Variants in AQR observed in about 807,000 individuals in gnomAD.
AQR encodes the protein RNA helicase aquarius.
A neutral mutation model predicts 180.5 loss-of-function variants in AQR; 61 were observed. The observed-to-expected ratio is 0.34, with a 90% CI of 0.28 to 0.42. The LOEUF (loss-of-function observed/expected upper bound fraction) is 0.42, where lower values mean the gene tolerates loss of function less well. Among genes scored for constraint, AQR ranks in the 10% least tolerant of loss-of-function variants. The pLI, the probability that AQR is intolerant of heterozygous loss-of-function variation, is 1.00. For synonymous variants in AQR, 551 were observed against 588.8 expected (o/e 0.94, Z 0.93); for missense variants, 1,281 against 1,798.3 (o/e 0.71, Z 5.20).
chr15:34,927,209 A>G, intron 12 of AQR, 71 bp from the exon 13 acceptor site: 13 of 863,482 alleles, frequency 1.5e-5, no homozygotes, highest in Non-Finnish European at 2.1e-5. Flanking sequence ...CTATTTAAGA[A>G]TGAAAATATT....
chr15:34,884,877 T>C (rs1312771364), intron 25 of AQR, 143 bp from the exon 26 acceptor site: 2 of 652,346 alleles, frequency 3.1e-6, no homozygotes, highest in Non-Finnish European at 5.0e-6. Context: ...ATAACTATTC[T>C]TCATTCCTGT....
At chr15:34,955,234 T>C (rs1459729782) in intron 3 of AQR, among the ~76,000 whole-genome samples, 1 of 152,252 alleles carries the variant, frequency 6.6e-6, no homozygotes, top group East Asian at 1.9e-4. Flanking sequence ...CAATATTTAC[T>C]GAGAGCATGC....
chr15:34,901,046 C>A (rs537456946), intron 19 of AQR, among the ~76,000 whole-genome samples, 183 bp from the exon 20 acceptor site: 1 of 152,234 alleles, frequency 6.6e-6, no homozygotes, highest in East Asian at 1.9e-4. Context: ...TCAGCTGATA[C>A]CACACACTGA....
intron 30 of AQR, 24 bp from the exon 31 acceptor site, chr15:34,870,946 T>A: frequency 1.3e-6 from 2 of 1,585,328 alleles, no homozygotes; most frequent in South Asian, 1.1e-5. Context: ...ATAATCAGAC[T>A]GTGCATTCAT....
intron 16 of AQR, among the ~76,000 whole-genome samples, chr15:34,911,800 T>G (rs1276078460): frequency 6.6e-6 from 1 of 152,144 alleles, no homozygotes; most frequent in Non-Finnish European, 1.5e-5. Context: ...TTTGATGTGG[T>G]CCCCATTTAC....
intron 1 of AQR, 152 bp downstream of exon 1, chr15:34,969,387 G>C (rs901258966): frequency 1.5e-5 from 13 of 840,592 alleles, no homozygotes; most frequent in East Asian, 2.6e-5. Flanking sequence ...TGGCCGGCAC[G>C]GAGCTGATAC....
intron 33 of AQR, among the ~76,000 whole-genome samples, chr15:34,860,765 G>A (rs943709117): frequency 1.1e-4 from 16 of 152,096 alleles, no homozygotes; most frequent in African/African-American, 3.9e-4. Context: ...GAGTCAAGAG[G>A]GTGAATATTC....
chr15:34,955,841 G>C (rs891294943), intron 3 of AQR, among the ~76,000 whole-genome samples: 1 of 151,286 alleles, frequency 6.6e-6, no homozygotes, highest in Non-Finnish European at 1.5e-5. Flanking sequence ...GCTGGGAGGC[G>C]GAGGTTGCAG....
intron 33 of AQR, 127 bp downstream of exon 33, chr15:34,862,740 C>T: frequency 9.8e-7 from 1 of 1,021,554 alleles, no homozygotes; most frequent in Non-Finnish European, 1.4e-6. Flanking sequence ...TTCCTCAGTG[C>T]AGCACACTCT....
Position 34,915,084 on chromosome 15 carries a change from C to T in AQR, c.1438G>A (p.Glu480Lys). 1 of 1,612,776 alleles carries T rather than the reference C, an allele frequency of 6.2e-7. No homozygotes were observed. Among genetic ancestry groups the T allele is most frequent in the Non-Finnish European group, 8.5e-7 (1 of 1,179,734 alleles). Reference protein sequence around the residue: ...FNLFRLESTYEIRQDIEDSVS... With the variant: ...FNLFRLESTYKIRQDIEDSVS... ...CTATCTTCAATGTCCTGACGAATTTCATAAGTTGATTCTAAGCGGAAGAGG... is the reference window on the plus strand; with the variant it reads ...CTATCTTCAATGTCCTGACGAATTTTATAAGTTGATTCTAAGCGGAAGAGG... The change falls in exon 16 of 35, where the codon GAA becomes AAA. Residue 480 changes from glutamate (E) to lysine (K), a missense_variant. By Grantham distance (56) the Glu-to-Lys change is moderately conservative. Coordinates refer to ENST00000156471, the MANE Select transcript of AQR (RefSeq NM_014691.3).
intron 11 of AQR, among the ~76,000 whole-genome samples, chr15:34,930,585 T>A (rs1418511689): frequency 6.6e-6 from 1 of 152,212 alleles, no homozygotes; most frequent in Non-Finnish European, 1.5e-5. Context: ...TAAATCTATT[T>A]CATATACATG....
intron 19 of AQR, among the ~76,000 whole-genome samples, chr15:34,902,717 C>T (rs531547786): frequency 1.3e-5 from 2 of 152,138 alleles, no homozygotes; most frequent in Admixed American, 1.3e-4. Flanking sequence ...AGTGAAGTAA[C>T]TGAGATTTAT....
At chr15:34,931,296 C>G (rs1013150696) in intron 11 of AQR, among the ~76,000 whole-genome samples, 1 of 152,072 alleles carries the variant, frequency 6.6e-6, no homozygotes, top group Non-Finnish European at 1.5e-5. Context: ...CTGCACTCAC[C>G]CCAAATCTTT....
intron 26 of AQR, among the ~76,000 whole-genome samples, chr15:34,883,078 A>G (rs1893000554): frequency 6.6e-6 from 1 of 152,164 alleles, no homozygotes; most frequent in Non-Finnish European, 1.5e-5. Context: ...GACTAGAAAG[A>G]ATAAAGGTAG....
chr15:34,857,132 C>T (rs1445231629), intron 34 of AQR, 26 bp from the exon 35 acceptor site: 1 of 1,483,702 alleles, frequency 6.7e-7, no homozygotes, highest in Non-Finnish European at 9.0e-7. Flanking sequence ...AAAACAAAGA[C>T]AATACCAATA....
At chr15:34,943,255 A>G in intron 6 of AQR, 1 of 1,602,992 alleles carries the variant, frequency 6.2e-7, no homozygotes. Flanking sequence ...TTCTGGAAAA[A>G]GGCTAAAACT....
intron 16 of AQR, among the ~76,000 whole-genome samples, chr15:34,914,446 G>A (rs1473792471): frequency 6.6e-6 from 1 of 152,078 alleles, no homozygotes; most frequent in Non-Finnish European, 1.5e-5. Flanking sequence ...CAAATAACAA[G>A]ACCAACTCAA....
At chr15:34,923,901 C>G (rs1257100520) in intron 13 of AQR, among the ~76,000 whole-genome samples, 1 of 152,148 alleles carries the variant, frequency 6.6e-6, no homozygotes, top group Non-Finnish European at 1.5e-5. Context: ...ATTATAGTTC[C>G]TTTGCCTTTC....
rs575581758 is a variant in AQR, at chr15:34,935,048, T to C, written c.719-413A>G. The stretch of plus-strand genomic sequence containing the variant: ...CTAAACTTCTGAGAGTTTTCTCGTA[T>C]GTATAAACACACACATACGTATATG... On this transcript the variant is annotated intron_variant, in intron 9 of 34. Transcript: ENST00000156471. Among the ~76,000 whole-genome samples, 6 of 152,302 alleles carry C rather than the reference T, an allele frequency of 3.9e-5. No homozygotes were observed. In the South Asian group the frequency reaches 1.2e-3, roughly 32 times the overall value.
Sources: gnomAD v4.1 joint callset for allele counts (sites outside exome capture counted in the v4.1 genomes callset) on GRCh38, gnomAD v4.1.1 for gene constraint, MANE v1.5 for transcripts, NCBI Gene and HGNC (gene_info 2026-07-23, HGNC 2026-07-21) for gene names.